TECPR1: variants seen among roughly 807,000 people sequenced by gnomAD.
The protein encoded by TECPR1 is tectonin beta-propeller repeat-containing protein 1.
A neutral mutation model predicts 162.4 loss-of-function variants in TECPR1; 122 were observed. The ratio of observed to expected loss-of-function variants is 0.75; its 90% CI spans 0.65 to 0.87. The LOEUF is 0.87. Among genes scored for constraint, TECPR1 ranks in the 40% least tolerant of loss-of-function variants. The pLI, the probability that TECPR1 is intolerant of heterozygous loss-of-function variation, is 0.00. For synonymous variants in TECPR1, 642 were observed against 670.6 expected, an observed-to-expected ratio of 0.96 and a Z score of 0.66; for missense variants, 1,432 against 1,618.2, an observed-to-expected ratio of 0.88 and a Z score of 1.97.
intron 17 of TECPR1, chr7:98,226,502 C>G (rs367565674): frequency 2.0e-6 from 2 of 1,025,306 alleles, no homozygotes; most frequent in Middle Eastern, 4.8e-4. Context: ...GCCCCCAACA[C>G]GGACACACAG....
At chr7:98,245,313 G>A (rs34789614) in intron 3 of TECPR1, among the ~76,000 whole-genome samples, 55,925 of 152,176 alleles carry the variant, frequency 0.37, 12,067 homozygotes, top group Middle Eastern at 0.56. Context: ...CAGCCACGGC[G>A]CTGTGAGCAG....
intron 2 of TECPR1, among the ~76,000 whole-genome samples, chr7:98,247,712 T>C (rs1352841177): frequency 6.6e-6 from 1 of 152,026 alleles, no homozygotes; most frequent in Non-Finnish European, 1.5e-5. Context: ...TACTCCTTTC[T>C]TTTTCTTTTC....
Position 98,228,003 on chromosome 7 carries a change from G to C in TECPR1, c.2513+11C>G. On this transcript the variant is annotated intron_variant, in intron 17 of 25. Coordinates refer to ENST00000447648, the MANE Select transcript of TECPR1 (RefSeq NM_015395.3). ...CAGGCAGCATCCTGGCCGGGCACCT[G>C]TGCCACTTACCTGCTGGTGTAGCCT... 6.2e-7 allele frequency: 1 copy of C among 1,608,536 alleles called. No individual in the cohort carries two copies. The highest frequency in any genetic ancestry group is 8.5e-7 in the Non-Finnish European group (1 of 1,177,410).
In TECPR1 at chr7:98,217,203, G is replaced by A. The variant is rs972654774; in HGVS notation, c.*187C>T. The A allele has an allele frequency of 1.0e-4, 61 of 581,954 alleles. No individual in the cohort carries two copies. Among genetic ancestry groups the A allele is most frequent in the Middle Eastern group, 4.3e-4 (1 of 2,348 alleles). 36.0% of individuals were successfully genotyped at this position (581,954 alleles called of 1,614,324 possible). A position where few individuals can be genotyped will look rare whatever the true frequency, so the allele number is the denominator to read the frequency against. On this transcript the variant is annotated 3_prime_UTR_variant, in exon 26 of 26. Transcript: ENST00000447648. ...GACGGGGACACGTGTGGGAGTGTCC[G>A]CGGAGCTTCACATTTCAGGGCCGTC...
At position 98,235,849 on chromosome 7, in the gene TECPR1, A is replaced by C. The variant is rs76648058; in HGVS notation, c.1181+927T>G. Among the ~76,000 whole-genome samples, 958 of 110,294 alleles carry C rather than the reference A, an allele frequency of 8.7e-3. 49 individuals carry two copies. Among genetic ancestry groups the C allele is most frequent in the African/African-American group, 0.025 (795 of 32,448 alleles). The allele number at this position is 110,294 out of a possible 152,430, so 72.4% of individuals were successfully genotyped here. On this transcript the variant is annotated intron_variant, in intron 10 of 25. Coordinates refer to ENST00000447648, the MANE Select transcript of TECPR1 (RefSeq NM_015395.3). ...TCTCAAAAAAAAAAAAAAAAAAAAA[A>C]AACACCATCTGAGCAGACTAAACCC...
chr7:98,241,369 C>G lies in TECPR1; in HGVS notation c.658-125G>C. ...ACCGTCCAGATCTCACTCCCTGCCC[C>G]CTACCCCGGCCAAAAAACGCAAACC... On this transcript the variant is annotated intron_variant, in intron 6 of 25. Coordinates refer to ENST00000447648, the MANE Select transcript of TECPR1 (RefSeq NM_015395.3). The surrounding 1 kb of genome is among the most constrained non-coding windows in gnomAD (Gnocchi z 5.0). The G allele has an allele frequency of 8.4e-7, 1 of 1,192,250 alleles. No individual in the cohort carries two copies. Among genetic ancestry groups the G allele is most frequent in the Middle Eastern group, 2.4e-4 (1 of 4,218 alleles). 73.9% of individuals were successfully genotyped at this position (1,192,250 alleles called of 1,614,324 possible).
chr7:98,227,931 T>A, intron 17 of TECPR1, 83 bp downstream of exon 17: 1 of 1,094,582 alleles, frequency 9.1e-7, no homozygotes, highest in Non-Finnish European at 1.3e-6. Context: ...GACTCCACGC[T>A]ACGGTGGATG....
At chr7:98,230,916 G>A (rs756862982) in intron 15 of TECPR1, 45 bp downstream of exon 15, 4 of 1,580,832 alleles carry the variant, frequency 2.5e-6, no homozygotes, top group African/African-American at 2.7e-5. Context: ...ACGAGCTCGG[G>A]GTGAGGCCAG....
chr7:98,251,133 T>G (rs1162634073), intron 2 of TECPR1: 1 of 152,080 alleles, frequency 6.6e-6, no homozygotes, highest in African/African-American at 2.4e-5. Flanking sequence ...ACTTGTTTGT[T>G]TTGTAGGGTT....
chr7:98,248,283 G>A (rs773172033), intron 2 of TECPR1, among the ~76,000 whole-genome samples: 3 of 152,136 alleles, frequency 2.0e-5, no homozygotes, highest in Non-Finnish European at 4.4e-5. Flanking sequence ...CCGACAGGGC[G>A]GCTCCTAGAT....
In TECPR1 at chr7:98,245,941, T is replaced by A. The variant is rs552519689; in HGVS notation, c.206A>T (p.Glu69Val). ...CACTACCTGATTCTCATAGGCCTCC[T>A]CTCGGCGGCGGATGGGGACATCGCT... ...CASDVPIRRR[E>V]EAYENQRWNP... Residue 69 changes from glutamate to valine, a missense_variant, in exon 3 of 26, where the codon GAG becomes GTG. By Grantham distance (121) the Glu-to-Val change is moderately radical. Transcript: ENST00000447648. The A allele has an allele frequency of 7.2e-5, 116 of 1,602,680 alleles. No individual in the cohort carries two copies. Among genetic ancestry groups the A allele is most frequent in the Non-Finnish European group, 9.8e-5 (115 of 1,175,376 alleles).
chr7:98,244,649 G>A lies in TECPR1; in HGVS notation c.453C>T (p.Asp151=), dbSNP rs1273004774. Residue 151 remains aspartate (D), a synonymous_variant, in exon 5 of 26, where the codon GAC becomes GAT. Coordinates refer to ENST00000447648, the MANE Select transcript of TECPR1 (RefSeq NM_015395.3). ...GCCGCACACAAGAATTCCACTTCTT[G>A]TCTTTCGTGTAGGTGGCGGGAAAGT... The part of the protein sequence containing the change: ...AIDFPATYTK[D]KKWNSCVRRR... 1 of 1,612,994 alleles carries A rather than the reference G, an allele frequency of 6.2e-7. No homozygotes were observed. The highest frequency in any genetic ancestry group is 2.2e-5 in the East Asian group (1 of 44,862).
intron 19 of TECPR1, among the ~76,000 whole-genome samples, chr7:98,224,103 A>C (rs1177280823): frequency 6.6e-6 from 1 of 152,132 alleles, no homozygotes; most frequent in Non-Finnish European, 1.5e-5. Flanking sequence ...TTTGGGGAGC[A>C]AGAGCCCTCG....
intron 10 of TECPR1, among the ~76,000 whole-genome samples, chr7:98,234,870 C>G (rs1798552373): frequency 6.6e-6 from 1 of 151,948 alleles, no homozygotes; most frequent in Admixed American, 6.6e-5. Context: ...GCCACAGCAC[C>G]CAGATAATTT....
rs112013398 is a variant in TECPR1 at position 98,229,112 on chromosome 7, G to A, written c.2337C>T (p.Gly779=). The change falls in exon 16 of 26, where the codon GGC becomes GGT. Residue 779 remains glycine, a synonymous_variant. Coordinates refer to ENST00000447648, the MANE Select transcript of TECPR1 (RefSeq NM_015395.3). ...GGTCATAGCCGATGCCCCACACCAC[G>A]CCCCGGCTGTTGGCCTCCACCATCC... is the stretch of plus-strand genomic sequence containing the variant. ...HLRMVEANSR[G]VVWGIGYDHT... is the part of the protein sequence containing the mutation. 5,931 of 1,572,528 alleles carry A rather than the reference G, an allele frequency of 3.8e-3. 121 individuals are homozygous for A. The African/African-American group carries it at 0.05, about 13-fold the overall frequency.
At chr7:98,234,797 A>ACCT (rs1798550673) in intron 10 of TECPR1, among the ~76,000 whole-genome samples, 1 of 142,348 alleles carries the variant, frequency 7.0e-6, no homozygotes. Context: ...TGCAGCCTCG[A>ACCT]CCTCCTGGGC....
intron 19 of TECPR1, 61 bp downstream of exon 19, chr7:98,224,740 A>G: frequency 6.8e-7 from 1 of 1,481,072 alleles, no homozygotes; most frequent in South Asian, 1.2e-5. Context: ...CAGAGGCCAC[A>G]CACTCCAGGG....
rs1024679017 is a variant in TECPR1 at position 98,229,231 on chromosome 7, C to T, written c.2283-65G>A. ...CCCACCTTCCAACCCTGCCTGGCTG[C>T]CCTTTTGTTCCGTGTCCTCCTGTGG... On this transcript the variant is annotated intron_variant, in intron 15 of 25. Transcript: ENST00000447648. The T allele has an allele frequency of 2.0e-6, 3 of 1,516,466 alleles. No homozygotes were observed. In the African/African-American group the frequency reaches 4.1e-5, roughly 21 times the overall value. 93.9% of individuals were successfully genotyped at this position (1,516,466 alleles called of 1,614,324 possible).
rs1246833299 is a variant in TECPR1, at chr7:98,225,033, C to T, written c.2583G>A (p.Thr861=). Reference sequence around the variant, plus strand: ...AGGCCCACTGCAGGGACGGGGGCTTCGTGCCAGCCTTCGTGCACTCCTGCA... The same window carrying T: ...AGGCCCACTGCAGGGACGGGGGCTTTGTGCCAGCCTTCGTGCACTCCTGCA... The part of the protein sequence containing the change: ...SGLQECTKAG[T]KPPSLQWAWV... The change falls in exon 18 of 26, where the codon ACG becomes ACA. Residue 861 remains threonine (T), a synonymous_variant. Transcript: ENST00000447648. 1.9e-6 allele frequency: 3 copies of T among 1,556,470 alleles called. No individual in the cohort carries two copies. The highest frequency in any genetic ancestry group is 2.4e-5 in the East Asian group (1 of 41,568).
Sources: gnomAD v4.1 joint callset for allele counts (sites outside exome capture counted in the v4.1 genomes callset) on GRCh38, gnomAD v4.1.1 for gene constraint, Gnocchi (gnomAD v3.1) non-coding constraint, MANE v1.5 for transcripts, NCBI Gene and HGNC (gene_info 2026-07-23, HGNC 2026-07-21) for gene names.